ASPRV1: variants seen among roughly 807,000 people sequenced by gnomAD.
ASPRV1 encodes the protein aspartic peptidase retroviral like 1, also known as retroviral-like aspartic protease 1.
A neutral mutation model predicts 11.0 loss-of-function variants in ASPRV1; 7 were observed. The ratio of observed to expected loss-of-function variants is 0.64; its 90% CI spans 0.36 to 1.20. The LOEUF is 1.20. Ranked by LOEUF, ASPRV1 falls within the 50% of genes most tolerant of loss-of-function variation. The pLI is 0.02. For missense variants in ASPRV1, 299 were observed against 320.0 expected (o/e 0.93, Z 0.50); for synonymous variants, 136 against 138.4 (o/e 0.98, Z 0.12).
At chr2:70,079,311 A>G in the ASPRV1 span, among the ~76,000 whole-genome samples, 3 of 149,964 alleles carry the variant, frequency 2.0e-5, no homozygotes, top group Non-Finnish European at 4.5e-5. Context: ...TGTCTCTACA[A>G]AAAAAAAAAT....
the ASPRV1 span, among the ~76,000 whole-genome samples, chr2:69,978,885 A>T: frequency 2.0e-5 from 3 of 152,108 alleles, no homozygotes; most frequent in Admixed American, 6.5e-5. Flanking sequence ...ACAAGAGGCC[A>T]TATCTTCATA....
the ASPRV1 span, among the ~76,000 whole-genome samples, chr2:69,984,647 GTC>G: frequency 9.8e-6 from 1 of 102,234 alleles, no homozygotes; most frequent in Admixed American, 1.5e-4. Flanking sequence ...TTGAGACAGA[GTC>G]TTGCTCTGTC....
chr2:69,965,683 C>T (rs1678316830), upstream of ASPRV1, among the ~76,000 whole-genome samples: 1 of 152,172 alleles, frequency 6.6e-6, no homozygotes, highest in Non-Finnish European at 1.5e-5. Flanking sequence ...ATCCCCAAAC[C>T]TAAACCCCCA....
At chr2:70,015,566 C>T in the ASPRV1 span, 4 of 152,180 alleles carry the variant, frequency 2.6e-5, no homozygotes, top group Admixed American at 6.5e-5. Context: ...GAAGCAATCC[C>T]ACACCAAGGG....
the ASPRV1 span, among the ~76,000 whole-genome samples, chr2:70,040,691 G>A: frequency 3.9e-5 from 6 of 152,046 alleles, no homozygotes; most frequent in East Asian, 1.9e-4. Context: ...AAAATTAGCC[G>A]GGCGCAGTGG....
the ASPRV1 span, among the ~76,000 whole-genome samples, chr2:70,017,470 T>C: frequency 1.1e-4 from 17 of 151,744 alleles, no homozygotes; most frequent in African/African-American, 3.6e-4. Flanking sequence ...TTCGTAAGAT[T>C]AGTAATAAGA....
the ASPRV1 span, among the ~76,000 whole-genome samples, chr2:69,976,160 C>T: frequency 1.3e-5 from 2 of 152,216 alleles, no homozygotes; most frequent in East Asian, 3.9e-4. Flanking sequence ...CCCTGGAAGG[C>T]CCAACCCTCC....
At chr2:70,070,039 C>T in the ASPRV1 span, among the ~76,000 whole-genome samples, 2 of 152,096 alleles carry the variant, frequency 1.3e-5, no homozygotes, top group African/African-American at 2.4e-5. Context: ...ATGAGCCAGG[C>T]GTGGTGGCAC....
the ASPRV1 span, chr2:70,045,836 TCG>T: frequency 6.6e-6 from 1 of 152,060 alleles, no homozygotes; most frequent in Non-Finnish European, 1.5e-5. Context: ...GGTGAGAGAA[TCG>T]CTTAAACCCA....
chr2:70,064,144 T>G, the ASPRV1 span, among the ~76,000 whole-genome samples: 2 of 152,248 alleles, frequency 1.3e-5, no homozygotes, highest in South Asian at 2.1e-4. Flanking sequence ...GGATATGACT[T>G]AATCATTTTA....
chr2:70,038,602 G>A, the ASPRV1 span, among the ~76,000 whole-genome samples: 40 of 151,570 alleles, frequency 2.6e-4, no homozygotes, highest in African/African-American at 8.8e-4. Flanking sequence ...AAAAAAAAGC[G>A]TATGAAGCTC....
At chr2:70,052,267 T>C in the ASPRV1 span, among the ~76,000 whole-genome samples, 2 of 152,128 alleles carry the variant, frequency 1.3e-5, no homozygotes, top group African/African-American at 4.8e-5. Flanking sequence ...ATGGATTAAA[T>C]ATTAGAGAAT....
At chr2:70,067,109 T>C in the ASPRV1 span, among the ~76,000 whole-genome samples, 2 of 152,192 alleles carry the variant, frequency 1.3e-5, no homozygotes, top group Non-Finnish European at 2.9e-5. Flanking sequence ...AAGTACTCTT[T>C]TATAAATTTA....
At chr2:69,977,834 G>C in the ASPRV1 span, among the ~76,000 whole-genome samples, 1 of 152,192 alleles carries the variant, frequency 6.6e-6, no homozygotes, top group Admixed American at 6.5e-5. Flanking sequence ...AACTCCAGAG[G>C]GGGGAGTGAA....
chr2:70,082,726 A>AT, the ASPRV1 span, among the ~76,000 whole-genome samples: 1 of 151,860 alleles, frequency 6.6e-6, no homozygotes, highest in Non-Finnish European at 1.5e-5. Flanking sequence ...TAAATACATA[A>AT]ATTAATTTAA....
chr2:70,080,879 G>C, the ASPRV1 span: 1 of 152,202 alleles, frequency 6.6e-6, no homozygotes, highest in African/African-American at 2.4e-5. Flanking sequence ...ACCCTTCCCT[G>C]TCCTCCACTT....
At chr2:70,062,242 T>C in the ASPRV1 span, among the ~76,000 whole-genome samples, 9 of 151,120 alleles carry the variant, frequency 6.0e-5, no homozygotes, top group Non-Finnish European at 8.9e-5. Flanking sequence ...GAGGCAGAGA[T>C]TGCAGTGAGC....
chr2:70,085,166 G>A, the ASPRV1 span, among the ~76,000 whole-genome samples: 1 of 152,238 alleles, frequency 6.6e-6, no homozygotes, highest in African/African-American at 2.4e-5. Context: ...GGGTGGGGGA[G>A]GCAAGAGTCA....
chr2:69,949,766 T>C, the ASPRV1 span, among the ~76,000 whole-genome samples: 1 of 151,472 alleles, frequency 6.6e-6, no homozygotes, highest in Non-Finnish European at 1.5e-5. Context: ...ACTATTTTCA[T>C]TCTGTTCATT....
Sources: allele counts gnomAD v4.1 joint callset (sites outside exome capture counted in the v4.1 genomes callset), GRCh38; gene constraint gnomAD v4.1.1; transcripts MANE v1.5; gene names NCBI Gene and HGNC (gene_info 2026-07-23, HGNC 2026-07-21).